Variants in FREM1 observed in about 807,000 individuals in gnomAD.
FREM1 encodes the protein FRAS1-related extracellular matrix protein 1.
Under a neutral mutation model 210.1 loss-of-function variants are expected in FREM1, and 220 were observed. The ratio of observed to expected loss-of-function variants is 1.05; its 90% CI spans 0.94 to 1.17. FREM1 has a LOEUF of 1.17. Ranked by LOEUF, FREM1 falls within the 50% of genes most tolerant of loss-of-function variation. FREM1 has a pLI of 0.00. For synonymous variants in FREM1, 1,189 were observed against 980.2 expected, an observed-to-expected ratio of 1.21 and a Z score of -3.98; for missense variants, 3,454 against 2,675.5, an observed-to-expected ratio of 1.29 and a Z score of -6.42.
At chr9:14,749,331 A>G (rs10123611) in intron 30 of FREM1, among the ~76,000 whole-genome samples, 51,775 of 151,958 alleles carry the variant, frequency 0.34, 8,979 homozygotes, top group African/African-American at 0.41. Context: ...GAGATGTTGC[A>G]GAAACAAGGA....
intron 1 of FREM1, among the ~76,000 whole-genome samples, chr9:14,897,946 A>G (rs1279516671): frequency 6.6e-6 from 1 of 152,172 alleles, no homozygotes; most frequent in Non-Finnish European, 1.5e-5. Flanking sequence ...TCTTAGCACA[A>G]TTTTGAGGTC....
chr9:14,769,835 T>A lies in FREM1; in HGVS notation c.5093A>T (p.Asp1698Val). The A allele has an allele frequency of 3.2e-6, 5 of 1,578,688 alleles. No individual in the cohort carries two copies. Among genetic ancestry groups the A allele is most frequent in the Non-Finnish European group, 4.3e-6 (5 of 1,160,252 alleles). ...GTAAAGAATAGTCTTACTGTTTAAG[T>A]CCTTTTGGCTAAATTTCTCATGGAT... ...EFIHEKFSQKDLNSKTILYII... is the reference protein window; with the variant it reads ...EFIHEKFSQKVLNSKTILYII... The change falls in exon 27 of 37, where the codon GAC becomes GTC. Residue 1698 changes from aspartate (D) to valine (V), a missense_variant. By Grantham distance (152) the Asp-to-Val change is radical. Transcript: ENST00000380880.
intron 4 of FREM1, 89 bp from the exon 5 acceptor site, chr9:14,857,838 T>G: frequency 1.1e-6 from 1 of 877,742 alleles, no homozygotes; most frequent in Non-Finnish European, 1.7e-6. Flanking sequence ...TGAATACTTA[T>G]TCCCTCTCAC....
At chr9:14,741,578 C>G (rs374401002) in intron 35 of FREM1, among the ~76,000 whole-genome samples, 1 of 152,134 alleles carries the variant, frequency 6.6e-6, no homozygotes, top group Non-Finnish European at 1.5e-5. Flanking sequence ...ACATCCAACA[C>G]GCTCACTCTA....
rs1830350652 is a variant in FREM1, at chr9:14,861,194, C to T, written c.330-1710G>A. ...GTATGTACATATATACACATATATA[C>T]ATATATACACACATATACATATATA... On this transcript the variant is annotated intron_variant, in intron 3 of 36. Coordinates refer to ENST00000380880, the MANE Select transcript of FREM1 (RefSeq NM_001379081.2). Among the ~76,000 whole-genome samples, 2 of 112,056 alleles carry T rather than the reference C, an allele frequency of 1.8e-5. 1 individual carries two copies. Among genetic ancestry groups the T allele is most frequent in the Non-Finnish European group, 3.3e-5 (2 of 60,974 alleles). The allele number at this position is 112,056 out of a possible 152,430, so 73.5% of individuals were successfully genotyped here.
chr9:14,906,971 T>C (rs1157742467), intron 1 of FREM1, among the ~76,000 whole-genome samples: 1 of 152,240 alleles, frequency 6.6e-6, no homozygotes, highest in African/African-American at 2.4e-5. Flanking sequence ...CTTTGGATGA[T>C]GCACAAAAAG....
At chr9:14,791,730 C>T (rs189291710) in intron 22 of FREM1, among the ~76,000 whole-genome samples, 56 of 152,206 alleles carry the variant, frequency 3.7e-4, no homozygotes, top group African/African-American at 1.3e-3. Flanking sequence ...CCCTGCTCAG[C>T]GACAAAGATG....
chr9:14,819,588 C>A, intron 13 of FREM1, 146 bp from the exon 14 acceptor site: 1 of 570,732 alleles, frequency 1.8e-6, no homozygotes, highest in Non-Finnish European at 3.0e-6. Context: ...AAGTTCATAG[C>A]TAGACATTTT....
intron 25 of FREM1, among the ~76,000 whole-genome samples, chr9:14,772,541 G>C (rs1197851899): frequency 6.6e-6 from 1 of 152,164 alleles, no homozygotes; most frequent in East Asian, 1.9e-4. Context: ...ATAGGTTTTT[G>C]AGTGGTATGG....
chr9:14,861,828 A>G (rs1830656649), intron 3 of FREM1, among the ~76,000 whole-genome samples: 1 of 152,000 alleles, frequency 6.6e-6, no homozygotes, highest in Non-Finnish European at 1.5e-5. Context: ...TTTGTTACAA[A>G]CAATCCAATT....
intron 29 of FREM1, among the ~76,000 whole-genome samples, chr9:14,754,599 A>G (rs147246117): frequency 1.3e-5 from 2 of 152,228 alleles, no homozygotes; most frequent in South Asian, 2.1e-4. Flanking sequence ...TCATACTGGA[A>G]TAAGGTGGGC....
chr9:14,773,103 T>G (rs1847888394), intron 25 of FREM1, among the ~76,000 whole-genome samples: 6 of 152,220 alleles, frequency 3.9e-5, no homozygotes, highest in Admixed American at 3.9e-4. Flanking sequence ...TTGCAAGATT[T>G]TTTTTTAAAG....
At chr9:14,804,103 T>A (rs1166544302) in intron 19 of FREM1, among the ~76,000 whole-genome samples, 1 of 152,090 alleles carries the variant, frequency 6.6e-6, no homozygotes, top group East Asian at 1.9e-4. Flanking sequence ...AACTAAAACC[T>A]CAAATCTTCT....
At chr9:14,877,447 T>TTTTTTTTTTTTTTTTTGAG (rs1400617685) in intron 1 of FREM1, among the ~76,000 whole-genome samples, 1 of 151,154 alleles carries the variant, frequency 6.6e-6, no homozygotes, top group African/African-American at 2.4e-5. Context: ...GTTGTTTCTT[T>TTTTTTTTTTTTTTTTTGAG]ATGGTAGACA....
chr9:14,767,205 T>A (rs1846591650), intron 27 of FREM1, among the ~76,000 whole-genome samples: 1 of 152,182 alleles, frequency 6.6e-6, no homozygotes, highest in Non-Finnish European at 1.5e-5. Context: ...TTCTAGTGTG[T>A]TAGATACGAA....
At chr9:14,807,845 C>A in intron 17 of FREM1, 95 bp downstream of exon 17, 1 of 899,130 alleles carries the variant, frequency 1.1e-6, no homozygotes, top group South Asian at 2.7e-5. Context: ...TGGTGGTTTT[C>A]TTTTTAGACT....
chr9:14,789,191 A>T, intron 22 of FREM1, 77 bp from the exon 23 acceptor site: 1 of 933,450 alleles, frequency 1.1e-6, no homozygotes, highest in Non-Finnish European at 1.5e-6. Flanking sequence ...CATTTTCTGT[A>T]TCCCCTAAAA....
chr9:14,797,163 T>A (rs576966058), intron 21 of FREM1, among the ~76,000 whole-genome samples: 1 of 152,358 alleles, frequency 6.6e-6, no homozygotes, highest in South Asian at 2.1e-4. Flanking sequence ...TTAATTGCAC[T>A]TTGGTAGGTG....
At chr9:14,749,148 A>C (rs1234234588) in intron 30 of FREM1, among the ~76,000 whole-genome samples, 1 of 152,188 alleles carries the variant, frequency 6.6e-6, no homozygotes, top group African/African-American at 2.4e-5. Flanking sequence ...TCCTATTGGA[A>C]ACCTCACCAA....
Sources: gnomAD v4.1 joint callset for allele counts (sites outside exome capture counted in the v4.1 genomes callset) on GRCh38, gnomAD v4.1.1 for gene constraint, MANE v1.5 for transcripts, NCBI Gene and HGNC (gene_info 2026-07-23, HGNC 2026-07-21) for gene names.